The following SHISA6 variants were observed in gnomAD, a reference collection of about 807,000 sequenced individuals.
SHISA6 encodes shisa family member 6.
Under a neutral mutation model 47.9 loss-of-function variants are expected in SHISA6, and 22 were observed. The observed-to-expected ratio is 0.46, with a 90% CI of 0.33 to 0.66. The LOEUF is 0.66. SHISA6 is among the 30% of genes least tolerant of loss of function. The pLI, the probability that SHISA6 is intolerant of heterozygous loss-of-function variation, is 0.02. For missense variants in SHISA6, 680 were observed against 764.6 expected, an observed-to-expected ratio of 0.89 and a Z score of 1.30; for synonymous variants, 388 against 337.8, an observed-to-expected ratio of 1.15 and a Z score of -1.63.
At chr17:11,318,542 C>T (rs1156271280) in intron 2 of SHISA6, among the ~76,000 whole-genome samples, 1 of 152,174 alleles carries the variant, frequency 6.6e-6, no homozygotes, top group East Asian at 1.9e-4. Flanking sequence ...TGGGCACCCT[C>T]CTGGCTTGCA....
chr17:11,509,508 C>T lies in SHISA6; in HGVS notation c.896-42388C>T, dbSNP rs2908970. Among the ~76,000 whole-genome samples the T allele has an allele frequency of 7.7e-3, 1,165 of 152,282 alleles. 24 individuals carry two copies. The highest frequency in any genetic ancestry group is 0.026 in the African/African-American group (1,071 of 41,554). On this transcript the variant is annotated intron_variant, in intron 3 of 5. Coordinates refer to ENST00000441885, the MANE Select transcript of SHISA6 (RefSeq NM_207386.4). ...TCCCTCCTTGGTGGTGTAACCAGCA[C>T]GAACACTTTCCATGAACTGTGGAGA...
chr17:11,491,859 C>CCAGCTTGTAGTTGAA (rs1212923568), intron 3 of SHISA6, among the ~76,000 whole-genome samples: 1 of 150,582 alleles, frequency 6.6e-6, no homozygotes, highest in Non-Finnish European at 1.5e-5. Flanking sequence ...ACAACCTCCA[C>CCAGCTTGTAGTTGAA]CTCCCGAGTT....
At chr17:11,557,669 G>A (rs2071994285) in intron 5 of SHISA6, 85 bp from the exon 6 acceptor site, 2 of 1,326,588 alleles carry the variant, frequency 1.5e-6, no homozygotes, top group Non-Finnish European at 2.0e-6. Flanking sequence ...GTCTGTGATG[G>A]AGCAGGAGCG....
At chr17:11,401,707 T>C (rs1160886466) in intron 3 of SHISA6, among the ~76,000 whole-genome samples, 2 of 152,212 alleles carry the variant, frequency 1.3e-5, no homozygotes, top group African/African-American at 4.8e-5. Flanking sequence ...TTATAGCCGA[T>C]ATGGACAATC....
intron 2 of SHISA6, among the ~76,000 whole-genome samples, chr17:11,320,698 A>G (rs1038215613): frequency 2.0e-5 from 3 of 151,988 alleles, no homozygotes; most frequent in Non-Finnish European, 4.4e-5. Context: ...AGAAGAAACC[A>G]AGGAGGAGGA....
At chr17:11,270,731 T>C (rs531604461) in intron 2 of SHISA6, among the ~76,000 whole-genome samples, 3 of 152,332 alleles carry the variant, frequency 2.0e-5, no homozygotes, top group Admixed American at 6.5e-5. Context: ...GGGTTTGGCC[T>C]GTGGGCTCTA....
At chr17:11,359,506 C>G (rs1912192861) in intron 2 of SHISA6, among the ~76,000 whole-genome samples, 1 of 152,184 alleles carries the variant, frequency 6.6e-6, no homozygotes, top group Non-Finnish European at 1.5e-5. Flanking sequence ...ACTCTCTTCT[C>G]TCTGGACCAG....
chr17:11,543,722 C>T (rs1258980039), intron 3 of SHISA6, among the ~76,000 whole-genome samples: 2 of 151,782 alleles, frequency 1.3e-5, no homozygotes, highest in Non-Finnish European at 2.9e-5. Flanking sequence ...CATATAGCAA[C>T]AGTAATCAAA....
intron 2 of SHISA6, among the ~76,000 whole-genome samples, chr17:11,377,266 C>T (rs906221795): frequency 6.6e-6 from 1 of 152,160 alleles, no homozygotes; most frequent in Non-Finnish European, 1.5e-5. Flanking sequence ...CCACCCCCAG[C>T]CTAATAATTC....
intron 3 of SHISA6, among the ~76,000 whole-genome samples, chr17:11,393,874 AG>A (rs756508842): frequency 6.6e-6 from 1 of 152,100 alleles, no homozygotes; most frequent in African/African-American, 2.4e-5. Context: ...TTCCCTTTTT[AG>A]GGCCTTTGCA....
intron 3 of SHISA6, among the ~76,000 whole-genome samples, chr17:11,523,695 T>C (rs1018123069): frequency 6.6e-6 from 1 of 152,152 alleles, no homozygotes; most frequent in Non-Finnish European, 1.5e-5. Context: ...AGTAAAGAGC[T>C]ATAATCTTGA....
chr17:11,464,606 G>A (rs1915765814), intron 3 of SHISA6, among the ~76,000 whole-genome samples: 1 of 152,196 alleles, frequency 6.6e-6, no homozygotes, highest in Admixed American at 6.5e-5. Context: ...CACGGTAGAG[G>A]AAGACCCTAT....
At chr17:11,256,212 C>T (rs961736226) in intron 1 of SHISA6, among the ~76,000 whole-genome samples, 7 of 152,090 alleles carry the variant, frequency 4.6e-5, no homozygotes, top group Admixed American at 6.5e-5. Context: ...AAAATAACAC[C>T]GGCCGGGCAC....
intron 2 of SHISA6, among the ~76,000 whole-genome samples, chr17:11,304,557 T>C (rs950355143): frequency 1.3e-5 from 2 of 151,848 alleles, no homozygotes; most frequent in Admixed American, 1.3e-4. Flanking sequence ...GCCAGCAGCA[T>C]TTTGAGCTGA....
intron 4 of SHISA6, among the ~76,000 whole-genome samples, chr17:11,553,173 G>C (rs942703183): frequency 6.6e-6 from 1 of 152,202 alleles, no homozygotes; most frequent in East Asian, 1.9e-4. Flanking sequence ...CAGGAATGCA[G>C]ACATGAAGTC....
Position 11,562,447 on chromosome 17 carries a change from TG to T in SHISA6, c.*4144del, listed in dbSNP as rs1436848152. 6.6e-6 allele frequency: 1 copy of T among 152,182 alleles called. No homozygotes were observed. The highest frequency in any genetic ancestry group is 1.5e-5 in the Non-Finnish European group (1 of 68,024). 9.4% of individuals were successfully genotyped at this position (152,182 alleles called of 1,614,324 possible). A position where few individuals can be genotyped will look rare whatever the true frequency, so the allele number is the denominator to read the frequency against. On this transcript the variant is annotated 3_prime_UTR_variant, in exon 6 of 6. Transcript: ENST00000441885. ...CTGGAGTATTTTCAAGAAAGCGCAT[TG>T]TGTTTTAATGAAGTATTTTTCAGGG...
chr17:11,310,952 G>C lies in SHISA6; in HGVS notation c.799+47426G>C, dbSNP rs1298165657. Among the ~76,000 whole-genome samples the C allele has an allele frequency of 2.4e-4, 37 of 151,768 alleles. 1 individual carries two copies. Among genetic ancestry groups the C allele is most frequent in the Non-Finnish European group, 4.3e-4 (29 of 67,922 alleles). ...TGAAACCCTGTCTCTACTAAAAATAGAAAAAATTAGCCAGTGTGGTGGCAG... is the reference window on the plus strand; with the variant it reads ...TGAAACCCTGTCTCTACTAAAAATACAAAAAATTAGCCAGTGTGGTGGCAG... On this transcript the variant is annotated intron_variant, in intron 2 of 5. Coordinates refer to ENST00000441885, the MANE Select transcript of SHISA6 (RefSeq NM_207386.4).
chr17:11,277,241 T>TTCTCTCTCTCTCTCTCTCTCTCTC (rs139388009), intron 2 of SHISA6, among the ~76,000 whole-genome samples: 1 of 78,158 alleles, frequency 1.3e-5, no homozygotes, highest in Non-Finnish European at 2.4e-5. Flanking sequence ...CGGTTTCTCT[T>TTCTCTCTCTCTCTCTCTCTCTCTC]TCTCTCTCTC....
At chr17:11,264,890 A>G (rs1908368791) in intron 2 of SHISA6, among the ~76,000 whole-genome samples, 1 of 152,200 alleles carries the variant, frequency 6.6e-6, no homozygotes, top group Non-Finnish European at 1.5e-5. Context: ...ACAAATACAT[A>G]TACATATTCA....
Sources: gnomAD v4.1 joint callset for allele counts (sites outside exome capture counted in the v4.1 genomes callset) on GRCh38, gnomAD v4.1.1 for gene constraint, MANE v1.5 for transcripts, NCBI Gene and HGNC (gene_info 2026-07-23, HGNC 2026-07-21) for gene names.